Variants in DNMT1 observed in about 807,000 individuals in gnomAD.
DNMT1 encodes DNA (cytosine-5)-methyltransferase 1.
A neutral mutation model predicts 205.3 loss-of-function variants in DNMT1; 24 were observed. The observed-to-expected ratio is 0.12, with a 90% CI of 0.08 to 0.16. The LOEUF (loss-of-function observed/expected upper bound fraction) is 0.16. Ranked by LOEUF, DNMT1 falls within the 10% of genes least tolerant of loss-of-function variation. DNMT1 has a pLI of 1.00. For missense variants in DNMT1, 1,293 were observed against 2,177.7 expected, an observed-to-expected ratio of 0.59 and a Z score of 8.09; for synonymous variants, 817 against 839.8, an observed-to-expected ratio of 0.97 and a Z score of 0.47.
At position 10,138,789 on chromosome 19, in the gene DNMT1, G is replaced by A. The variant is rs1053406673; in HGVS notation, c.3949-184C>T. 4.6e-5 allele frequency among the ~76,000 whole-genome samples: 7 copies of A among 152,220 alleles called. No individual in the cohort carries two copies. The highest frequency in any genetic ancestry group is 4.6e-4 in the Admixed American group (7 of 15,284). On this transcript the variant is annotated intron_variant, in intron 34 of 40. Transcript: ENST00000359526. This position sits in a 1 kb window ranked among gnomAD's most constrained non-coding sequence, Gnocchi z 4.1. Reference sequence around the variant, plus strand: ...GTCAGAGGAGTTTGGAGCAGATAAAGAACAAAAGCAGCTGAGCCCAGGGGA... The same window carrying A: ...GTCAGAGGAGTTTGGAGCAGATAAAAAACAAAAGCAGCTGAGCCCAGGGGA...
At chr19:10,148,308 A>G (rs1599357429) in intron 27 of DNMT1, among the ~76,000 whole-genome samples, 3 of 150,820 alleles carry the variant, frequency 2.0e-5, no homozygotes, top group Non-Finnish European at 3.0e-5. Flanking sequence ...CATCCTGGCT[A>G]ACACAGTGAA....
chr19:10,194,691 G>A (rs2039370376), intron 1 of DNMT1, 129 bp downstream of exon 1: 1 of 1,287,182 alleles, frequency 7.8e-7, no homozygotes, highest in Non-Finnish European at 1.0e-6. Context: ...CTGCCGCTGC[G>A]CGCCGCACCA....
chr19:10,167,817 C>A lies in DNMT1; in HGVS notation c.803+513G>T, dbSNP rs73922334. Among the ~76,000 whole-genome samples, 606 of 152,264 alleles carry A rather than the reference C, an allele frequency of 4.0e-3. 6 individuals are homozygous for A. The highest frequency in any genetic ancestry group is 0.014 in the African/African-American group (575 of 41,556). On this transcript the variant is annotated intron_variant, in intron 10 of 40. Coordinates refer to ENST00000359526, the MANE Select transcript of DNMT1 (RefSeq NM_001130823.3). ...ATGACACACAGCTGTGTGACCAACC[C>A]TGAGAAGGGCCCTGGGGTTGGGAGG...
Position 10,181,380 on chromosome 19 carries a change from C to T in DNMT1, c.118-495G>A, listed in dbSNP as rs117050156. 1.8e-3 allele frequency among the ~76,000 whole-genome samples: 273 copies of T among 151,322 alleles called. 4 individuals are homozygous for T. The East Asian group carries it at 0.046, about 25-fold the overall frequency. ...GGGAAAATCACTTGAGCCTGGGAGG[C>T]GAAGGTTGCAGTGAGCCAAAATTGT... On this transcript the variant is annotated intron_variant, in intron 2 of 40. Transcript: ENST00000359526.
At chr19:10,139,563 G>T in intron 34 of DNMT1, 113 bp downstream of exon 34, 1 of 1,514,988 alleles carries the variant, frequency 6.6e-7, no homozygotes, top group Non-Finnish European at 8.9e-7. Flanking sequence ...AGCCTCTGCT[G>T]CCTGGATGGC....
rs2038963269 is a variant in DNMT1 at position 10,177,827 on chromosome 19, A to C, written c.494-460T>G. On this transcript the variant is annotated intron_variant, in intron 5 of 40. Coordinates refer to ENST00000359526, the MANE Select transcript of DNMT1 (RefSeq NM_001130823.3). ...ACACACCTATAATCCCAGCTATTCA[A>C]GAGGCTGAGGCACAAGAATCACTTG... Among the ~76,000 whole-genome samples the C allele has an allele frequency of 3.3e-5, 5 of 151,596 alleles. No individual in the cohort carries two copies. The Admixed American group carries it at 3.3e-4, about 10-fold the overall frequency.
intron 1 of DNMT1, among the ~76,000 whole-genome samples, chr19:10,186,278 G>A (rs946148306): frequency 2.0e-5 from 3 of 152,176 alleles, no homozygotes; most frequent in Non-Finnish European, 2.9e-5. Flanking sequence ...GTAGAAACTG[G>A]ATTTAACCTG....
At chr19:10,147,719 C>T (rs1429312592) in intron 27 of DNMT1, among the ~76,000 whole-genome samples, 7 of 152,298 alleles carry the variant, frequency 4.6e-5, no homozygotes, top group African/African-American at 1.7e-4. Context: ...CCTGGGTTTC[C>T]CTGGTTGCCA....
chr19:10,170,688 A>G (rs1201329848), intron 9 of DNMT1, among the ~76,000 whole-genome samples: 2 of 152,174 alleles, frequency 1.3e-5, no homozygotes, highest in African/African-American at 2.4e-5. Flanking sequence ...TGATTCCCCA[A>G]TGGACAGCCA....
rs1211035851 is a variant in DNMT1, at chr19:10,133,624, G to A, written c.*43C>T. 1 of 1,582,992 alleles carries A rather than the reference G, an allele frequency of 6.3e-7. No homozygotes were observed. The highest frequency in any genetic ancestry group is 1.2e-5 in the South Asian group (1 of 86,772). On this transcript the variant is annotated 3_prime_UTR_variant, in exon 41 of 41. Coordinates refer to ENST00000359526, the MANE Select transcript of DNMT1 (RefSeq NM_001130823.3). This position sits in a 1 kb window ranked among gnomAD's most constrained non-coding sequence, Gnocchi z 4.1. ...TAAAAACACAACATCAGTGCATGTT[G>A]GGGATTCCTGGTGCCAGAAACAGGG...
intron 5 of DNMT1, among the ~76,000 whole-genome samples, chr19:10,179,353 T>C (rs1198481156): frequency 1.3e-5 from 2 of 151,874 alleles, no homozygotes; most frequent in African/African-American, 4.8e-5. Flanking sequence ...GTCTTACTCT[T>C]GTTGCCCAGG....
intron 13 of DNMT1, among the ~76,000 whole-genome samples, chr19:10,161,233 A>G (rs920645691): frequency 2.0e-4 from 31 of 152,328 alleles, no homozygotes; most frequent in African/African-American, 7.5e-4. Flanking sequence ...TGAACCAGGG[A>G]GACAGAGGTT....
Position 10,138,115 on chromosome 19 carries a change from C to T in DNMT1, c.4116-106G>A. The T allele has an allele frequency of 7.3e-7, 1 of 1,367,044 alleles. No individual in the cohort carries two copies. The highest frequency in any genetic ancestry group is 2.5e-5 in the East Asian group (1 of 40,132). The allele number at this position is 1,367,044 out of a possible 1,614,324, so 84.7% of individuals were successfully genotyped here. A position where few individuals can be genotyped will look rare whatever the true frequency, so the allele number is the denominator to read the frequency against. Reference sequence around the variant, plus strand: ...CTCAGATGGCCTTCTCCCGAGATCACAGCACTGCCCGAGGTCACATGGGTG... The same window carrying T: ...CTCAGATGGCCTTCTCCCGAGATCATAGCACTGCCCGAGGTCACATGGGTG... On this transcript the variant is annotated intron_variant, in intron 35 of 40. Coordinates refer to ENST00000359526, the MANE Select transcript of DNMT1 (RefSeq NM_001130823.3). The surrounding 1 kb of genome is among the most constrained non-coding windows in gnomAD (Gnocchi z 4.1).
chr19:10,190,933 C>T (rs2039291104), intron 1 of DNMT1, among the ~76,000 whole-genome samples: 1 of 151,842 alleles, frequency 6.6e-6, no homozygotes, highest in African/African-American at 2.4e-5. Flanking sequence ...GTCAACATGG[C>T]AAAACCCAGT....
chr19:10,145,107 G>A (rs1353531040), intron 28 of DNMT1, among the ~76,000 whole-genome samples: 1 of 152,222 alleles, frequency 6.6e-6, no homozygotes, highest in Non-Finnish European at 1.5e-5. Flanking sequence ...GCCAATGTAA[G>A]GCGCCACAGG....
intron 5 of DNMT1, 197 bp downstream of exon 5, chr19:10,179,990 T>TAAC: frequency 5.5e-6 from 1 of 182,868 alleles, no homozygotes; most frequent in South Asian, 7.3e-5. Flanking sequence ...ACTCTGTCAT[T>TAAC]AAAAAAAAAA....
chr19:10,162,937 T>C, intron 12 of DNMT1, 189 bp from the exon 13 acceptor site: 1 of 583,048 alleles, frequency 1.7e-6, no homozygotes, highest in Non-Finnish European at 3.0e-6. Flanking sequence ...CCCACACATC[T>C]ACATCACCAC....
rs1301877731 is a variant in DNMT1 at position 10,146,819 on chromosome 19, G to T, written c.2721-295C>A. Reference sequence around the variant, plus strand: ...GAATATGGTTAAGAACACACCACGAGCAACAGTCCCGAGTGGCTCAGTGAG... The same window carrying T: ...GAATATGGTTAAGAACACACCACGATCAACAGTCCCGAGTGGCTCAGTGAG... On this transcript the variant is annotated intron_variant, in intron 27 of 40. Transcript: ENST00000359526. The surrounding 1 kb of genome is among the most constrained non-coding windows in gnomAD (Gnocchi z 4.4). Among the ~76,000 whole-genome samples, 1 of 152,180 alleles carries T rather than the reference G, an allele frequency of 6.6e-6. No individual in the cohort carries two copies. Among genetic ancestry groups the T allele is most frequent in the African/African-American group, 2.4e-5 (1 of 41,428 alleles).
intron 11 of DNMT1, among the ~76,000 whole-genome samples, chr19:10,166,036 C>A (rs1314873710): frequency 6.6e-6 from 1 of 152,074 alleles, no homozygotes; most frequent in South Asian, 2.1e-4. Context: ...AGATAGGGAC[C>A]CGCCGCCCCC....
Sources: allele counts gnomAD v4.1 joint callset (sites outside exome capture counted in the v4.1 genomes callset), GRCh38; gene constraint gnomAD v4.1.1; non-coding constraint Gnocchi (gnomAD v3.1); transcripts MANE v1.5; gene names NCBI Gene and HGNC (gene_info 2026-07-23, HGNC 2026-07-21).